The following DISP2 variants were observed in gnomAD, a reference collection of about 807,000 sequenced individuals.
DISP2 encodes protein dispatched homolog 2.
A neutral mutation model predicts 95.5 loss-of-function variants in DISP2; 59 were observed. The observed-to-expected ratio is 0.62, with a 90% CI of 0.50 to 0.77. The LOEUF (loss-of-function observed/expected upper bound fraction) is 0.77, where lower values mean the gene tolerates loss of function less well. DISP2 is among the 30% of genes least tolerant of loss of function. The pLI is 0.00. For synonymous variants in DISP2, 827 were observed against 815.0 expected (o/e 1.01, Z -0.25); for missense variants, 1,752 against 1,854.6 (o/e 0.94, Z 1.02).
Position 40,371,985 on chromosome 15 carries a change from G to C in DISP2, c.*1667G>C, listed in dbSNP as rs1157428596. The C allele has an allele frequency of 6.6e-6, 1 of 152,184 alleles. No individual in the cohort carries two copies. The highest frequency in any genetic ancestry group is 1.5e-5 in the Non-Finnish European group (1 of 68,038). 9.4% of individuals were successfully genotyped at this position (152,184 alleles called of 1,614,324 possible). A position where few individuals can be genotyped will look rare whatever the true frequency, so the allele number is the denominator to read the frequency against. On this transcript the variant is annotated 3_prime_UTR_variant, in exon 8 of 8. Transcript: ENST00000267889. ...AGGCTTTCTGGAGGAGGAAAAACTT[G>C]AGCTGGGCTTCAGAAGACCAAGCGT... is the stretch of plus-strand genomic sequence containing the variant.
At chr15:40,366,930 G>C in intron 7 of DISP2, 128 bp from the exon 8 acceptor site, 2 of 1,250,876 alleles carry the variant, frequency 1.6e-6, no homozygotes. Flanking sequence ...TATCTCACCA[G>C]GCTGTCAAGA....
chr15:40,362,530 C>A (rs1889421394), intron 1 of DISP2, among the ~76,000 whole-genome samples: 1 of 150,816 alleles, frequency 6.6e-6, no homozygotes, highest in South Asian at 2.2e-4. Context: ...TGAACAAATG[C>A]AACAGACCCC....
At chr15:40,364,170 A>G in intron 2 of DISP2, 56 bp from the exon 3 acceptor site, 2 of 1,612,406 alleles carry the variant, frequency 1.2e-6, no homozygotes, top group Non-Finnish European at 8.5e-7. Flanking sequence ...CACCCCCAAC[A>G]CACGCCCTCT....
In DISP2 at chr15:40,368,845, C is replaced by T. The variant is rs1160368062; in HGVS notation, c.2733C>T (p.Phe911=). The part of the protein sequence containing the change: ...AALVLQFQTN[F]RNSPDYNQTQ... ...TGGTCCTACAATTCCAGACCAACTT[C>T]CGGAACAGTCCGGACTACAACCAGA... The change falls in exon 8 of 8, where the codon TTC becomes TTT. Residue 911 remains phenylalanine, a synonymous_variant. Transcript: ENST00000267889. 1.2e-6 allele frequency: 2 copies of T among 1,613,910 alleles called. No individual in the cohort carries two copies. The highest frequency in any genetic ancestry group is 1.3e-5 in the African/African-American group (1 of 74,950).
rs770762446 is a variant in DISP2, at chr15:40,358,411, C to T, written c.90C>T (p.Pro30=). The T allele has an allele frequency of 7.5e-6, 10 of 1,337,212 alleles. No individual in the cohort carries two copies. Among genetic ancestry groups the T allele is most frequent in the Non-Finnish European group, 4.8e-6 (5 of 1,045,792 alleles). 82.8% of individuals were successfully genotyped at this position (1,337,212 alleles called of 1,614,324 possible). ...PEGEQRPEGE[P]LAPDGGSPDS... ...GGGAGCAACGGCCCGAGGGGGAGCCCTTGGCCCCAGACGGCGGCTCCCCGG... is the reference window on the plus strand; with the variant it reads ...GGGAGCAACGGCCCGAGGGGGAGCCTTTGGCCCCAGACGGCGGCTCCCCGG... Residue 30 remains proline (P), a synonymous_variant, in exon 1 of 8, where the codon CCC becomes CCT. Transcript: ENST00000267889.
At chr15:40,362,157 C>T (rs2141259086) in intron 1 of DISP2, among the ~76,000 whole-genome samples, 2 of 152,278 alleles carry the variant, frequency 1.3e-5, no homozygotes, top group South Asian at 4.1e-4. Context: ...AGGGGGTGTC[C>T]CAACTCCCTC....
Position 40,369,354 on chromosome 15 carries a change from C to T in DISP2, c.3242C>T (p.Thr1081Ile). 2.5e-6 allele frequency: 4 copies of T among 1,613,558 alleles called. No individual in the cohort carries two copies. Among genetic ancestry groups the T allele is most frequent in the South Asian group, 1.1e-5 (1 of 91,088 alleles). The change falls in exon 8 of 8, where the codon ACA (threonine) becomes ATA (isoleucine). Residue 1081 changes from threonine to isoleucine, a missense_variant. Physicochemically the swap from Thr to Ile is moderately conservative, Grantham distance 89 (BLOSUM62 -1). Transcript: ENST00000267889. ...GCAGGCGTGCTCATGCTGCCTGCCACAGTGCTGCTCTATCGCAAGCTGGGC... is the reference window on the plus strand; with the variant it reads ...GCAGGCGTGCTCATGCTGCCTGCCATAGTGCTGCTCTATCGCAAGCTGGGC... The part of the protein sequence containing the change: ...FAAGVLMLPA[T>I]VLLYRKLGII...
Position 40,363,721 on chromosome 15 carries a change from C to T in DISP2, c.216C>T (p.Pro72=), listed in dbSNP as rs763660511. The part of the protein sequence containing the change: ...PLEDPSSSSG[P]PPTTSTLQPV... ...AGGACCCTTCCAGCTCTTCAGGACC[C>T]CCACCAACAACTTCCACCCTCCAGC... The change falls in exon 2 of 8, where the codon CCC becomes CCT. Residue 72 remains proline (P), a synonymous_variant. Coordinates refer to ENST00000267889, the MANE Select transcript of DISP2 (RefSeq NM_033510.3). 4 of 1,613,030 alleles carry T rather than the reference C, an allele frequency of 2.5e-6. No homozygotes were observed. Among genetic ancestry groups the T allele is most frequent in the Middle Eastern group, 1.6e-4 (1 of 6,082 alleles).
At position 40,370,378 on chromosome 15, in the gene DISP2, C is replaced by T; in HGVS notation, c.*60C>T. 2.0e-6 allele frequency: 3 copies of T among 1,503,412 alleles called. No individual in the cohort carries two copies. Among genetic ancestry groups the T allele is most frequent in the Non-Finnish European group, 2.7e-6 (3 of 1,131,412 alleles). 93.1% of individuals were successfully genotyped at this position (1,503,412 alleles called of 1,614,324 possible). A position where few individuals can be genotyped will look rare whatever the true frequency, so the allele number is the denominator to read the frequency against. On this transcript the variant is annotated 3_prime_UTR_variant, in exon 8 of 8. Coordinates refer to ENST00000267889, the MANE Select transcript of DISP2 (RefSeq NM_033510.3). ...CCTGTCATGGATGACAAGGCAAGGG[C>T]AGCAATAGGCTGGAGCCCGAAGGTA...
intron 1 of DISP2, among the ~76,000 whole-genome samples, chr15:40,361,598 C>T (rs1227690621): frequency 1.3e-5 from 2 of 152,250 alleles, no homozygotes; most frequent in Non-Finnish European, 2.9e-5. Flanking sequence ...CACTGCTCCC[C>T]CATTTCACCC....
At position 40,369,119 on chromosome 15, in the gene DISP2, A is replaced by T; in HGVS notation, c.3007A>T (p.Thr1003Ser). Residue 1003 changes from threonine to serine, a missense_variant, in exon 8 of 8, where the codon ACT becomes TCT. By Grantham distance (58) the Thr-to-Ser change is moderately conservative. Around this residue, in one of 5 missense-constraint regions of DISP2, gnomAD observed 317 missense variants for 394.9 expected, o/e 0.80. Coordinates refer to ENST00000267889, the MANE Select transcript of DISP2 (RefSeq NM_033510.3). ...AGCTGTGGCAGGCACCGTGCTGCTC[A>T]CTGTAGGACTCCTGGTTCTCCTCGA... ...VAAVAGTVLLTVGLLVLLEWQ... is the reference protein window; with the variant it reads ...VAAVAGTVLLSVGLLVLLEWQ... 6.2e-7 allele frequency: 1 copy of T among 1,613,858 alleles called. No homozygotes were observed. Among genetic ancestry groups the T allele is most frequent in the Non-Finnish European group, 8.5e-7 (1 of 1,180,012 alleles).
In DISP2 at chr15:40,374,003, T is replaced by TAAAAAAAAAAAAAA. The variant is rs1555400587; in HGVS notation, c.*3697_*3698insAAAAAAAAAAAAAA. Reference sequence around the variant, plus strand: ...TGGGCAACAGAGCGAGACTCCATCTTAAAAAAAAAAAATATATATATATAT... The same window carrying TAAAAAAAAAAAAAA: ...TGGGCAACAGAGCGAGACTCCATCTTAAAAAAAAAAAAAAAAAAAAAAAAAATATATATATATAT... On this transcript the variant is annotated 3_prime_UTR_variant, in exon 8 of 8. Coordinates refer to ENST00000267889, the MANE Select transcript of DISP2 (RefSeq NM_033510.3). 1.6e-4 allele frequency: 18 copies of TAAAAAAAAAAAAAA among 114,122 alleles called. No individual in the cohort carries two copies. The highest frequency in any genetic ancestry group is 6.0e-4 in the African/African-American group (16 of 26,870). The allele number at this position is 114,122 out of a possible 1,614,324, so 7.1% of individuals were successfully genotyped here.
chr15:40,368,317 C>A lies in DISP2; in HGVS notation c.2205C>A (p.Pro735=), dbSNP rs1056514057. ...TGCGGCTGCCCACGCTGCCGCCGCC[C>A]GGCGGCCAGGTCTTCCGGCCCAGCC... is the stretch of plus-strand genomic sequence containing the variant. ...PRLRLPTLPP[P]GGQVFRPSHP... Residue 735 remains proline, a synonymous_variant, in exon 8 of 8, where the codon CCC becomes CCA. Transcript: ENST00000267889. The A allele has an allele frequency of 1.1e-5, 18 of 1,603,210 alleles. No homozygotes were observed. Among genetic ancestry groups the A allele is most frequent in the Non-Finnish European group, 1.4e-5 (16 of 1,176,388 alleles).
chr15:40,359,705 G>A (rs1021032046), intron 1 of DISP2, among the ~76,000 whole-genome samples: 1 of 152,356 alleles, frequency 6.6e-6, no homozygotes, highest in East Asian at 1.9e-4. Context: ...TGGGGCCTCT[G>A]GCCCCTCTCT....
In DISP2 at chr15:40,363,796, G is replaced by T; in HGVS notation, c.291G>T (p.Arg97=). Residue 97 remains arginine (R), a synonymous_variant, in exon 2 of 8, where the codon CGG becomes CGT. Coordinates refer to ENST00000267889, the MANE Select transcript of DISP2 (RefSeq NM_033510.3). ...CCCCTGCCCACTTCACCTATCCCCG[G>T]GCACTGCAGGAATACCAGGGGGGCA... is the stretch of plus-strand genomic sequence containing the variant. The part of the protein sequence containing the change: ...PLAPAHFTYP[R]ALQEYQGGSS... The T allele has an allele frequency of 6.2e-7, 1 of 1,613,024 alleles. No homozygotes were observed. The highest frequency in any genetic ancestry group is 8.5e-7 in the Non-Finnish European group (1 of 1,179,308).
Position 40,369,606 on chromosome 15 carries a change from T to C in DISP2, c.3494T>C (p.Leu1165Pro), listed in dbSNP as rs747327680. 6.2e-7 allele frequency: 1 copy of C among 1,611,564 alleles called. No homozygotes were observed. Among genetic ancestry groups the C allele is most frequent in the African/African-American group, 1.3e-5 (1 of 74,900 alleles). Residue 1165 changes from leucine (L) to proline (P), a missense_variant, in exon 8 of 8, where the codon CTA (leucine) becomes CCA (proline). By Grantham distance (98) the Leu-to-Pro change is moderately conservative. Around this residue, in one of 5 missense-constraint regions of DISP2, gnomAD observed 347 missense variants for 344.2 expected, o/e 1.01. Transcript: ENST00000267889. ...GGGTCCTGCTCAGAGCAATATGAGC[T>C]ACAGCCCCTGGCACGGCGTCGGAGC... ...MPGSCSEQYELQPLARRRSPS... is the reference protein window; with the variant it reads ...MPGSCSEQYEPQPLARRRSPS...
At position 40,367,274 on chromosome 15, in the gene DISP2, G is replaced by A. The variant is rs748784792; in HGVS notation, c.1162G>A (p.Gly388Arg). 2.5e-6 allele frequency: 4 copies of A among 1,613,838 alleles called. No homozygotes were observed. Among genetic ancestry groups the A allele is most frequent in the Non-Finnish European group, 3.4e-6 (4 of 1,179,954 alleles). Residue 388 changes from glycine (G) to arginine (R), a missense_variant, in exon 8 of 8, where the codon GGG becomes AGG. Around this residue, in one of 5 missense-constraint regions of DISP2, gnomAD observed 732 missense variants for 714.6 expected, o/e 1.02. Coordinates refer to ENST00000267889, the MANE Select transcript of DISP2 (RefSeq NM_033510.3). ...CTTGGTGCCCTCTTGTCTGGGACCT[G>A]GGCAGAACAAGTCCCCACGCTGTGC... ...GALVPSCLGP[G>R]QNKSPRCAQV...
At chr15:40,359,270 T>C (rs542048139) in intron 1 of DISP2, among the ~76,000 whole-genome samples, 17 of 152,294 alleles carry the variant, frequency 1.1e-4, no homozygotes, top group African/African-American at 4.1e-4. Flanking sequence ...TGGACTGAAA[T>C]AAAAGGCATT....
In DISP2 at chr15:40,367,937, C is replaced by G; in HGVS notation, c.1825C>G (p.Leu609Val). ...TTSAAFYASY[L>V]SRLPAVRCLA... Reference sequence around the variant, plus strand: ...GAGCGCGGCCTTCTATGCCAGCTACCTGAGCCGCCTGCCGGCCGTTCGCTG... The same window carrying G: ...GAGCGCGGCCTTCTATGCCAGCTACGTGAGCCGCCTGCCGGCCGTTCGCTG... The change falls in exon 8 of 8, where the codon CTG (leucine) becomes GTG (valine). Residue 609 changes from leucine (L) to valine (V), a missense_variant. Physicochemically the swap from Leu to Val is conservative, Grantham distance 32. Coordinates refer to ENST00000267889, the MANE Select transcript of DISP2 (RefSeq NM_033510.3). The G allele has an allele frequency of 6.3e-7, 1 of 1,588,258 alleles. No individual in the cohort carries two copies. Among genetic ancestry groups the G allele is most frequent in the Non-Finnish European group, 8.5e-7 (1 of 1,175,312 alleles).
Sources: gnomAD v4.1 joint callset for allele counts (sites outside exome capture counted in the v4.1 genomes callset) on GRCh38, gnomAD v4.1.1 for gene constraint, gnomAD v4.1.1 regional missense constraint, MANE v1.5 for transcripts, NCBI Gene and HGNC (gene_info 2026-07-23, HGNC 2026-07-21) for gene names.